Variants in MAGI1 observed in about 807,000 individuals in gnomAD.
MAGI1 encodes membrane-associated guanylate kinase, WW and PDZ domain-containing protein 1.
A neutral mutation model predicts 139.9 loss-of-function variants in MAGI1; 58 were observed. That is an observed-to-expected ratio of 0.41 (90% CI 0.34 to 0.52). The LOEUF (loss-of-function observed/expected upper bound fraction) is 0.52. MAGI1 is among the 20% of genes least tolerant of loss of function. The probability of loss-of-function intolerance (pLI) is 0.12; values close to 1 mark genes in which losing one functional copy is unlikely to be tolerated. For missense variants in MAGI1, 1,874 were observed against 1,901.6 expected (o/e 0.99, Z 0.27); for synonymous variants, 812 against 737.9 (o/e 1.10, Z -1.63).
At chr3:65,974,321 A>C (rs13086216) in intron 1 of MAGI1, among the ~76,000 whole-genome samples, 1 of 128,080 alleles carries the variant, frequency 7.8e-6, no homozygotes, top group African/African-American at 2.9e-5. Context: ...AAGAAGGGAG[A>C]GTGGGAGGGA....
At chr3:65,370,587 C>T (rs1364549768) in intron 18 of MAGI1, among the ~76,000 whole-genome samples, 1 of 152,164 alleles carries the variant, frequency 6.6e-6, no homozygotes, top group East Asian at 1.9e-4. Context: ...GGATAATCCA[C>T]CTTGCATGAT....
intron 2 of MAGI1, among the ~76,000 whole-genome samples, chr3:65,588,065 A>C (rs565415012): frequency 3.3e-5 from 5 of 152,268 alleles, no homozygotes; most frequent in African/African-American, 9.6e-5. Context: ...AACAGCCCCA[A>C]ATCGCTGGCT....
intron 2 of MAGI1, among the ~76,000 whole-genome samples, chr3:65,577,607 C>T (rs772411219): frequency 2.0e-5 from 3 of 152,180 alleles, no homozygotes; most frequent in Non-Finnish European, 4.4e-5. Context: ...AAACTATCCA[C>T]AAAATATAAT....
intron 2 of MAGI1, among the ~76,000 whole-genome samples, chr3:65,516,718 C>CTTTTTTTTTTTTTTTTT (rs71102867): frequency 1.5e-5 from 1 of 66,978 alleles, no homozygotes; most frequent in Non-Finnish European, 2.7e-5. Flanking sequence ...CATCCCACCT[C>CTTTTTTTTTTTTTTTTT]TTTTTTTTTT....
Position 65,391,242 on chromosome 3 carries a change from A to T in MAGI1, c.2316T>A (p.Pro772=). The T allele has an allele frequency of 6.2e-7, 1 of 1,614,156 alleles. No individual in the cohort carries two copies. Among genetic ancestry groups the T allele is most frequent in the South Asian group, 1.1e-5 (1 of 91,084 alleles). The change falls in exon 14 of 23, where the codon CCT becomes CCA. Residue 772 remains proline, a synonymous_variant. Coordinates refer to ENST00000402939, the MANE Select transcript of MAGI1 (RefSeq NM_001033057.2). ...HSTQVLPEFP[P]AEAQAPDQTD... Reference sequence around the variant, plus strand: ...TTTGATCTGGAGCTTGGGCCTCTGCAGGTGGGAACTCGGGGAGCACCTGTG... The same window carrying T: ...TTTGATCTGGAGCTTGGGCCTCTGCTGGTGGGAACTCGGGGAGCACCTGTG...
At chr3:65,992,655 G>A (rs879727207) in intron 1 of MAGI1, among the ~76,000 whole-genome samples, 7 of 152,050 alleles carry the variant, frequency 4.6e-5, no homozygotes, top group Admixed American at 1.3e-4. Context: ...ACAAGCTCTC[G>A]GGAGATGTGA....
At chr3:65,860,973 G>A (rs1007300422) in intron 1 of MAGI1, among the ~76,000 whole-genome samples, 2 of 152,074 alleles carry the variant, frequency 1.3e-5, no homozygotes, top group African/African-American at 4.8e-5. Context: ...ATTACTTCTA[G>A]GGTAACAGAG....
chr3:65,596,547 C>T (rs1309644445), intron 2 of MAGI1, among the ~76,000 whole-genome samples: 1 of 152,180 alleles, frequency 6.6e-6, no homozygotes, highest in Non-Finnish European at 1.5e-5. Flanking sequence ...CATACATACC[C>T]TCAAATAATT....
intron 1 of MAGI1, among the ~76,000 whole-genome samples, chr3:65,983,806 A>G (rs912511150): frequency 2.0e-5 from 3 of 152,146 alleles, no homozygotes; most frequent in African/African-American, 7.2e-5. Flanking sequence ...TTTATGTTTC[A>G]GTTTTTTATA....
intron 1 of MAGI1, among the ~76,000 whole-genome samples, chr3:65,705,692 T>C (rs1170493695): frequency 1.3e-5 from 2 of 152,206 alleles, no homozygotes; most frequent in African/African-American, 4.8e-5. Flanking sequence ...AATTAGACAT[T>C]AATGTGTCCC....
intron 1 of MAGI1, chr3:65,844,174 T>A: frequency 1.9e-6 from 1 of 517,586 alleles, no homozygotes; most frequent in Non-Finnish European, 3.8e-6. Flanking sequence ...TGCACATGTG[T>A]AAAAATGCAG....
intron 2 of MAGI1, among the ~76,000 whole-genome samples, chr3:65,603,033 C>A (rs1218252006): frequency 6.6e-6 from 1 of 152,070 alleles, no homozygotes; most frequent in Non-Finnish European, 1.5e-5. Flanking sequence ...ATGAAACTAT[C>A]TTAAGAAGCA....
intron 1 of MAGI1, among the ~76,000 whole-genome samples, chr3:65,643,896 G>A (rs1214656255): frequency 1.3e-5 from 2 of 152,014 alleles, no homozygotes; most frequent in Admixed American, 1.3e-4. Context: ...CCTCATTCTG[G>A]GGTACTGTCA....
At chr3:65,499,164 AG>A (rs370899030) in intron 2 of MAGI1, 3 of 353,338 alleles carry the variant, frequency 8.5e-6, no homozygotes, top group African/African-American at 6.8e-5. Context: ...TGTGGTCTCT[AG>A]GAAAAAAAAA....
intron 2 of MAGI1, among the ~76,000 whole-genome samples, chr3:65,589,935 G>A (rs1226745203): frequency 6.6e-6 from 1 of 151,788 alleles, no homozygotes; most frequent in African/African-American, 2.4e-5. Context: ...GCATCTCTGT[G>A]TCCATCCCCG....
intron 1 of MAGI1, among the ~76,000 whole-genome samples, chr3:65,748,201 C>T (rs1025553646): frequency 6.6e-6 from 1 of 152,092 alleles, no homozygotes; most frequent in Admixed American, 6.6e-5. Flanking sequence ...TATTTTATTC[C>T]TAAAGGAATT....
At chr3:65,758,581 T>C (rs2036742307) in intron 1 of MAGI1, among the ~76,000 whole-genome samples, 1 of 152,112 alleles carries the variant, frequency 6.6e-6, no homozygotes, top group Admixed American at 6.6e-5. Flanking sequence ...TGGGGGGGAA[T>C]ATCATGCCCC....
At chr3:65,716,488 A>C (rs192953913) in intron 1 of MAGI1, among the ~76,000 whole-genome samples, 1 of 152,356 alleles carries the variant, frequency 6.6e-6, no homozygotes, top group African/African-American at 2.4e-5. Flanking sequence ...TTAGGCCGAC[A>C]CAAAGGCAGA....
intron 1 of MAGI1, among the ~76,000 whole-genome samples, chr3:65,686,190 G>A (rs530473674): frequency 6.6e-6 from 1 of 152,154 alleles, no homozygotes; most frequent in African/African-American, 2.4e-5. Context: ...ACACCTATGA[G>A]TCATCTTATG....
Sources: allele counts gnomAD v4.1 joint callset (sites outside exome capture counted in the v4.1 genomes callset), GRCh38; gene constraint gnomAD v4.1.1; transcripts MANE v1.5; gene names NCBI Gene and HGNC (gene_info 2026-07-23, HGNC 2026-07-21).